The following ZNF407 variants were observed in gnomAD, a reference collection of about 807,000 sequenced individuals.
ZNF407 encodes the protein zinc finger protein 407.
A neutral mutation model predicts 131.2 loss-of-function variants in ZNF407; 17 were observed. The ratio of observed to expected loss-of-function variants is 0.13; its 90% CI spans 0.09 to 0.19. ZNF407 has a LOEUF of 0.19. Among genes scored for constraint, ZNF407 ranks in the 10% least tolerant of loss-of-function variants. The pLI is 1.00. For missense variants in ZNF407, 2,681 were observed against 2,830.6 expected (o/e 0.95, Z 1.20); for synonymous variants, 1,156 against 1,062.0 (o/e 1.09, Z -1.72).
chr18:74,815,309 T>G lies in ZNF407; in HGVS notation c.4877+33807T>G, dbSNP rs9946429. On this transcript the variant is annotated intron_variant, in intron 4 of 8. Transcript: ENST00000299687. Reference sequence around the variant, plus strand: ...AAAAGTTGGATATTATTATCTACATTTCCTTTGTTTTAAGAATTTCCCAAC... The same window carrying G: ...AAAAGTTGGATATTATTATCTACATGTCCTTTGTTTTAAGAATTTCCCAAC... Among the ~76,000 whole-genome samples the G allele has an allele frequency of 3.5e-3, 539 of 152,272 alleles. 8 individuals are homozygous for G. Among genetic ancestry groups the G allele is most frequent in the African/African-American group, 0.012 (493 of 41,548 alleles).
chr18:74,665,192 T>C (rs1985883952), intron 3 of ZNF407, among the ~76,000 whole-genome samples: 1 of 152,260 alleles, frequency 6.6e-6, no homozygotes, highest in South Asian at 2.1e-4. Context: ...GAAATACTGA[T>C]GTAAAGTGGC....
At chr18:74,608,817 C>T (rs1982926597) in intron 1 of ZNF407, among the ~76,000 whole-genome samples, 2 of 152,172 alleles carry the variant, frequency 1.3e-5, no homozygotes, top group Admixed American at 6.5e-5. Flanking sequence ...TCATGTCCTT[C>T]TCAGTGCATC....
chr18:74,954,617 T>G (rs79226319), intron 8 of ZNF407, among the ~76,000 whole-genome samples: 5,594 of 152,318 alleles, frequency 0.037, 371 homozygotes, highest in African/African-American at 0.13. Flanking sequence ...TTTTATCATT[T>G]GTTACTAAGC....
intron 1 of ZNF407, among the ~76,000 whole-genome samples, chr18:74,603,963 AG>A (rs1181661108): frequency 6.6e-6 from 1 of 152,252 alleles, no homozygotes; most frequent in African/African-American, 2.4e-5. Context: ...ACTGCCATAA[AG>A]AACAAAGGAA....
rs755809901 is a variant in ZNF407 at position 75,063,228 on chromosome 18, C to T, written c.5507C>T (p.Ala1836Val). 8.1e-6 allele frequency: 13 copies of T among 1,613,294 alleles called. No individual in the cohort carries two copies. The highest frequency in any genetic ancestry group is 2.7e-5 in the African/African-American group (2 of 74,914). ...TFVETDSPFT[A>V]AALAEEPLVK... ...GTGGAGACAGACAGCCCCTTCACCGCGGCGGCCTTGGCAGAAGAGCCCCTC... is the reference window on the plus strand; with the variant it reads ...GTGGAGACAGACAGCCCCTTCACCGTGGCGGCCTTGGCAGAAGAGCCCCTC... Residue 1836 changes from alanine to valine, a missense_variant, in exon 9 of 9, where the codon GCG (alanine) becomes GTG (valine). Ala to Val is a moderately conservative substitution (Grantham distance 64). Around this residue, in one of 6 missense-constraint regions of ZNF407, gnomAD observed 620 missense variants for 583.1 expected, o/e 1.06. Coordinates refer to ENST00000299687, the MANE Select transcript of ZNF407 (RefSeq NM_017757.3). This position sits in a 1 kb window ranked among gnomAD's most constrained non-coding sequence, Gnocchi z 6.6.
chr18:74,782,197 A>G (rs867638074), intron 4 of ZNF407, among the ~76,000 whole-genome samples: 4 of 152,146 alleles, frequency 2.6e-5, no homozygotes, highest in African/African-American at 9.7e-5. Context: ...GTCAGGATAG[A>G]TTTTCAGCTT....
At chr18:74,842,326 A>G (rs937949579) in intron 4 of ZNF407, among the ~76,000 whole-genome samples, 3 of 152,194 alleles carry the variant, frequency 2.0e-5, no homozygotes, top group Admixed American at 1.3e-4. Context: ...TTGAAACTCC[A>G]TTATAACATT....
chr18:74,914,959 GA>G lies in ZNF407; in HGVS notation c.5250-5554del, dbSNP rs754462915. On this transcript the variant is annotated intron_variant, in intron 7 of 8. Coordinates refer to ENST00000299687, the MANE Select transcript of ZNF407 (RefSeq NM_017757.3). ...AGTTCATTACAGATGGAAAAACTGT[GA>G]CATGAGTTCTTCCTAGCATTCTTCT... is the stretch of plus-strand genomic sequence containing the variant. Among the ~76,000 whole-genome samples, 9 of 152,194 alleles carry G rather than the reference GA, an allele frequency of 5.9e-5. No homozygotes were observed. The East Asian group carries it at 7.7e-4, about 13-fold the overall frequency.
intron 8 of ZNF407, among the ~76,000 whole-genome samples, chr18:74,954,986 G>A (rs867954566): frequency 3.3e-5 from 5 of 152,242 alleles, no homozygotes; most frequent in Middle Eastern, 3.2e-3. Flanking sequence ...CAAGCCAGTC[G>A]TGCAGTCTAC....
intron 3 of ZNF407, among the ~76,000 whole-genome samples, chr18:74,727,238 C>T (rs1189621564): frequency 1.3e-5 from 2 of 151,940 alleles, no homozygotes; most frequent in Non-Finnish European, 2.9e-5. Flanking sequence ...GTCAAGTTCT[C>T]CTGTAGAACG....
intron 8 of ZNF407, among the ~76,000 whole-genome samples, chr18:75,045,995 A>G (rs1973431360): frequency 6.6e-6 from 1 of 152,228 alleles, no homozygotes; most frequent in African/African-American, 2.4e-5. Context: ...TGATGAACCA[A>G]CCAGCTCCAA....
intron 3 of ZNF407, among the ~76,000 whole-genome samples, chr18:74,737,342 C>T (rs1968441512): frequency 2.0e-5 from 3 of 152,184 alleles, no homozygotes; most frequent in Non-Finnish European, 2.9e-5. Context: ...TGCTAATGGT[C>T]TATCTGTGTA....
intron 4 of ZNF407, among the ~76,000 whole-genome samples, chr18:74,841,123 C>T (rs770425272): frequency 6.6e-6 from 1 of 152,244 alleles, no homozygotes; most frequent in Non-Finnish European, 1.5e-5. Flanking sequence ...GTGCCCTTTA[C>T]TATCTGGATT....
At chr18:74,713,344 G>C (rs1287025775) in intron 3 of ZNF407, among the ~76,000 whole-genome samples, 1 of 145,456 alleles carries the variant, frequency 6.9e-6, no homozygotes, top group Non-Finnish European at 1.5e-5. Flanking sequence ...GATTTACCTG[G>C]AACATTTTAG....
chr18:74,983,249 GCTTGCTGCTAGAGGTCC>G, intron 8 of ZNF407, among the ~76,000 whole-genome samples: 1 of 152,148 alleles, frequency 6.6e-6, no homozygotes, highest in Admixed American at 6.5e-5. Flanking sequence ...CTCATTCAGA[GCTTGCTGCTAGAGGTCC>G]CTTTTCCTGC....
intron 8 of ZNF407, chr18:75,062,916 G>A: frequency 2.3e-6 from 1 of 431,762 alleles, no homozygotes; most frequent in African/African-American, 2.0e-5. Flanking sequence ...CAGGGCTGTG[G>A]GGAAATGCAC....
chr18:75,005,940 T>C (rs1021455645), intron 8 of ZNF407, among the ~76,000 whole-genome samples: 8 of 152,132 alleles, frequency 5.3e-5, no homozygotes, highest in Non-Finnish European at 1.0e-4. Flanking sequence ...TATGGGAGTT[T>C]TGATTCTTCG....
chr18:74,859,112 G>C (rs1456958918), intron 4 of ZNF407, among the ~76,000 whole-genome samples: 1 of 152,198 alleles, frequency 6.6e-6, no homozygotes, highest in Non-Finnish European at 1.5e-5. Flanking sequence ...CAATAATGCT[G>C]ATATTTCTGA....
chr18:74,669,197 C>A (rs1986044966), intron 3 of ZNF407, among the ~76,000 whole-genome samples: 1 of 152,232 alleles, frequency 6.6e-6, no homozygotes, highest in African/African-American at 2.4e-5. Context: ...TGCTGTCACG[C>A]TTGTGCCCAC....
Sources: allele counts gnomAD v4.1 joint callset (sites outside exome capture counted in the v4.1 genomes callset), GRCh38; gene constraint gnomAD v4.1.1; regional missense constraint gnomAD v4.1.1; non-coding constraint Gnocchi (gnomAD v3.1); transcripts MANE v1.5; gene names NCBI Gene and HGNC (gene_info 2026-07-23, HGNC 2026-07-21).